The following ANKRD40 variants were observed in gnomAD, a reference collection of about 807,000 sequenced individuals.
The protein encoded by ANKRD40 is ankyrin repeat domain 40.
In ANKRD40, 24 loss-of-function variants were observed where a neutral mutation model predicts 35.5. The observed-to-expected ratio is 0.68, with a 90% CI of 0.49 to 0.95. The LOEUF is 0.95. Among genes scored for constraint, ANKRD40 ranks in the 40% least tolerant of loss-of-function variants. The pLI, the probability that ANKRD40 is intolerant of heterozygous loss-of-function variation, is 0.00. For synonymous variants in ANKRD40, 147 were observed against 173.5 expected (o/e 0.85, Z 1.20); for missense variants, 361 against 436.0 (o/e 0.83, Z 1.53).
At position 50,697,098 on chromosome 17, in the gene ANKRD40, G is replaced by C. The variant is rs1307370702; in HGVS notation, c.802C>G (p.Gln268Glu). 4 of 1,613,006 alleles carry C rather than the reference G, an allele frequency of 2.5e-6. No homozygotes were observed. The highest frequency in any genetic ancestry group is 1.3e-5 in the African/African-American group (1 of 74,968). The change falls in exon 4 of 5, where the codon CAG (glutamine) becomes GAG (glutamate). Residue 268 changes from glutamine (Q) to glutamate (E), a missense_variant. Coordinates refer to ENST00000285243, the MANE Select transcript of ANKRD40 (RefSeq NM_052855.4). ...MQELVLKVRI[Q>E]NPSLRENDFI... ...TCATTTTCTCGAAGAGATGGGTTCT[G>C]AATTCTCACCTTGAGTACCAGCTCT...
chr17:50,696,607 A>G, intron 4 of ANKRD40: 1 of 239,484 alleles, frequency 4.2e-6, no homozygotes, highest in Non-Finnish European at 8.0e-6. Flanking sequence ...TAATTCAGAA[A>G]CTTCTCTCTG....
Position 50,707,544 on chromosome 17 carries a change from G to A in ANKRD40, c.111C>T (p.Asn37=), listed in dbSNP as rs773043508. 3 of 1,607,626 alleles carry A rather than the reference G, an allele frequency of 1.9e-6. No individual in the cohort carries two copies. Among genetic ancestry groups the A allele is most frequent in the Non-Finnish European group, 2.5e-6 (3 of 1,176,810 alleles). ...ACCAGCCGTTGACCTCATTTTGGGAGTTCACATCCACCCCGCTCTCCACCA... is the reference window on the plus strand; with the variant it reads ...ACCAGCCGTTGACCTCATTTTGGGAATTCACATCCACCCCGCTCTCCACCA... ...QKLVESGVDV[N]SQNEVNGWTC... Residue 37 remains asparagine (N), a synonymous_variant, in exon 1 of 5, where the codon AAC becomes AAT. Transcript: ENST00000285243. This position sits in a 1 kb window ranked among gnomAD's most constrained non-coding sequence, Gnocchi z 4.8.
chr17:50,698,314 A>G (rs1415387149), intron 3 of ANKRD40, among the ~76,000 whole-genome samples: 2 of 152,194 alleles, frequency 1.3e-5, no homozygotes, highest in East Asian at 3.9e-4. Context: ...AACTAGCTTC[A>G]AGGGGCTCCC....
In ANKRD40 at chr17:50,700,555, AAC is replaced by A. The variant is rs769194754; in HGVS notation, c.283+11_283+12del. ...TCTGAGGAAATCAAAAGTTCCCCCAAACACAGACTCACCTCCCATAATCTTCC... is the reference window on the plus strand; with the variant it reads ...TCTGAGGAAATCAAAAGTTCCCCCAAACAGACTCACCTCCCATAATCTTCC... On this transcript the variant is annotated intron_variant, in intron 2 of 4. Coordinates refer to ENST00000285243, the MANE Select transcript of ANKRD40 (RefSeq NM_052855.4). 6.2e-7 allele frequency: 1 copy of A among 1,613,484 alleles called. No homozygotes were observed. The highest frequency in any genetic ancestry group is 1.7e-5 in the Admixed American group (1 of 59,990).
chr17:50,704,043 A>G (rs778107720), intron 1 of ANKRD40, among the ~76,000 whole-genome samples: 51 of 151,856 alleles, frequency 3.4e-4, no homozygotes, highest in Non-Finnish European at 1.8e-4. Flanking sequence ...GATGTCGGCT[A>G]TGAAAGACAG....
At chr17:50,696,235 C>A in intron 4 of ANKRD40, 92 bp from the exon 5 acceptor site, 2 of 1,361,618 alleles carry the variant, frequency 1.5e-6, no homozygotes, top group Non-Finnish European at 2.0e-6. Context: ...TGTCTTATTT[C>A]AAAACCTAGA....
intron 3 of ANKRD40, among the ~76,000 whole-genome samples, chr17:50,697,645 G>A (rs898321035): frequency 6.6e-6 from 1 of 152,218 alleles, no homozygotes; most frequent in African/African-American, 2.4e-5. Flanking sequence ...AGTATAACTT[G>A]ATTTGAATGT....
intron 1 of ANKRD40, among the ~76,000 whole-genome samples, chr17:50,705,419 G>T (rs1597869236): frequency 1.0e-5 from 1 of 97,572 alleles, no homozygotes; most frequent in East Asian, 2.4e-4. Flanking sequence ...GCAAAGACCT[G>T]TAAAAAAAAA....
chr17:50,707,560 C>T lies in ANKRD40; in HGVS notation c.95G>A (p.Ser32Asn), dbSNP rs1183583407. 6.2e-7 allele frequency: 1 copy of T among 1,608,930 alleles called. No individual in the cohort carries two copies. The highest frequency in any genetic ancestry group is 1.1e-5 in the South Asian group (1 of 90,860). ...DIREVQKLVE[S>N]GVDVNSQNEV... ...ATTTTGGGAGTTCACATCCACCCCG[C>T]TCTCCACCAGTTTCTGCACCTCCCG... Residue 32 changes from serine to asparagine, a missense_variant, in exon 1 of 5, where the codon AGC becomes AAC. Ser to Asn is a conservative substitution (Grantham distance 46). Transcript: ENST00000285243. This position sits in a 1 kb window ranked among gnomAD's most constrained non-coding sequence, Gnocchi z 4.8.
At chr17:50,705,668 T>TC (rs1968326538) in intron 1 of ANKRD40, among the ~76,000 whole-genome samples, 1 of 149,822 alleles carries the variant, frequency 6.7e-6, no homozygotes, top group South Asian at 2.1e-4. Context: ...GACTTTTTTT[T>TC]TTTTTTTTTT....
chr17:50,702,822 T>C (rs1968286899), intron 1 of ANKRD40, among the ~76,000 whole-genome samples: 1 of 152,188 alleles, frequency 6.6e-6, no homozygotes, highest in South Asian at 2.1e-4. Context: ...TCCAGAGCTG[T>C]GCGGCTCTGG....
At chr17:50,696,525 G>A (rs998740360) in intron 4 of ANKRD40, 5 of 230,374 alleles carry the variant, frequency 2.2e-5, no homozygotes, top group East Asian at 9.4e-5. Flanking sequence ...AAAACAGAAG[G>A]CACATCTAGT....
At chr17:50,698,255 A>G (rs1374571119) in intron 3 of ANKRD40, among the ~76,000 whole-genome samples, 1 of 152,146 alleles carries the variant, frequency 6.6e-6, no homozygotes, top group Admixed American at 6.5e-5. Context: ...TGCCCCAGAA[A>G]GTAAGGCAGT....
In ANKRD40 at chr17:50,707,843, GCTCCCGGCCCGCAGGCCCAGGCCTC is replaced by G. The variant is rs1968361475; in HGVS notation, c.-214_-190del. The G allele has an allele frequency of 9.9e-6, 2 of 201,992 alleles. No individual in the cohort carries two copies. The highest frequency in any genetic ancestry group is 2.4e-5 in the African/African-American group (1 of 42,218). 12.5% of individuals were successfully genotyped at this position (201,992 alleles called of 1,614,324 possible). On this transcript the variant is annotated 5_prime_UTR_variant, in exon 1 of 5. Coordinates refer to ENST00000285243, the MANE Select transcript of ANKRD40 (RefSeq NM_052855.4). This position sits in a 1 kb window ranked among gnomAD's most constrained non-coding sequence, Gnocchi z 4.8. Reference sequence around the variant, plus strand: ...CTCCCTCCCGCGGGCCGCCCCTGCTGCTCCCGGCCCGCAGGCCCAGGCCTCCTCCCGGGCCGCGCCTCCCGAAGGC... The same window carrying G: ...CTCCCTCCCGCGGGCCGCCCCTGCTGCTCCCGGGCCGCGCCTCCCGAAGGC...
At chr17:50,697,975 T>A (rs922103560) in intron 3 of ANKRD40, among the ~76,000 whole-genome samples, 1 of 152,200 alleles carries the variant, frequency 6.6e-6, no homozygotes, top group African/African-American at 2.4e-5. Context: ...TTAATATTTT[T>A]AAAAAGTTAT....
At position 50,699,515 on chromosome 17, in the gene ANKRD40, G is replaced by T. The variant is rs960337532; in HGVS notation, c.662C>A (p.Ser221Tyr). The T allele has an allele frequency of 1.2e-6, 2 of 1,614,238 alleles. No individual in the cohort carries two copies. The highest frequency in any genetic ancestry group is 2.2e-5 in the South Asian group (2 of 91,088). ...CATTGGTGGCTTGGACGGGACAGAAGAAAACAGGGAGCGGCTCTGACTCAC... is the reference window on the plus strand; with the variant it reads ...CATTGGTGGCTTGGACGGGACAGAATAAAACAGGGAGCGGCTCTGACTCAC... Reference protein sequence around the residue: ...PPVSQSRSLFSSVPSKPPMSL... With the variant: ...PPVSQSRSLFYSVPSKPPMSL... The change falls in exon 3 of 5, where the codon TCT becomes TAT. Residue 221 changes from serine to tyrosine, a missense_variant. Coordinates refer to ENST00000285243, the MANE Select transcript of ANKRD40 (RefSeq NM_052855.4).
intron 3 of ANKRD40, 134 bp downstream of exon 3, chr17:50,699,265 G>T: frequency 8.2e-7 from 1 of 1,219,704 alleles, no homozygotes; most frequent in Non-Finnish European, 1.1e-6. Context: ...GTGAATTTGA[G>T]TAAAGGGAGT....
In ANKRD40 at chr17:50,700,669, G is replaced by A. The variant is rs560002716; in HGVS notation, c.182C>T (p.Ser61Phe). Residue 61 changes from serine to phenylalanine, a missense_variant, in exon 2 of 5, where the codon TCT becomes TTT. Ser to Phe is a radical substitution (Grantham distance 155, BLOSUM62 -2). Around this residue, in one of 5 missense-constraint regions of ANKRD40, gnomAD observed 35 missense variants for 68.4 expected, o/e 0.51. Coordinates refer to ENST00000285243, the MANE Select transcript of ANKRD40 (RefSeq NM_052855.4). Reference sequence around the variant, plus strand: ...GTCAGCTCCTGATTTTAACAGGTAAGAGACCACCTGACCATGGTTTCGTTT... The same window carrying A: ...GTCAGCTCCTGATTTTAACAGGTAAAAGACCACCTGACCATGGTTTCGTTT... Reference protein sequence around the residue: ...ACKRNHGQVVSYLLKSGADKE... With the variant: ...ACKRNHGQVVFYLLKSGADKE... 1.2e-6 allele frequency: 2 copies of A among 1,614,010 alleles called. No homozygotes were observed. The highest frequency in any genetic ancestry group is 2.2e-5 in the East Asian group (1 of 44,860).
chr17:50,697,696 T>C (rs1347351796), intron 3 of ANKRD40, among the ~76,000 whole-genome samples: 4 of 152,236 alleles, frequency 2.6e-5, no homozygotes, highest in Non-Finnish European at 5.9e-5. Context: ...TTATTATTCA[T>C]AGGTCTGGGA....
Sources: allele counts gnomAD v4.1 joint callset (sites outside exome capture counted in the v4.1 genomes callset), GRCh38; gene constraint gnomAD v4.1.1; regional missense constraint gnomAD v4.1.1; non-coding constraint Gnocchi (gnomAD v3.1); transcripts MANE v1.5; gene names NCBI Gene and HGNC (gene_info 2026-07-23, HGNC 2026-07-21).